ME1: variants seen among roughly 807,000 people sequenced by gnomAD.
ME1 encodes the protein malic enzyme 1.
A neutral mutation model predicts 66.4 loss-of-function variants in ME1; 74 were observed. The observed-to-expected ratio is 1.11, with a 90% CI of 0.92 to 1.35. The LOEUF (loss-of-function observed/expected upper bound fraction) is 1.35. Among genes scored for constraint, ME1 ranks in the 40% most tolerant of loss-of-function variants. The pLI is 0.00. For synonymous variants in ME1, 251 were observed against 235.6 expected (o/e 1.07, Z -0.60); for missense variants, 750 against 694.1 (o/e 1.08, Z -0.90).
intron 3 of ME1, among the ~76,000 whole-genome samples, chr6:83,355,659 C>A (rs1040543253): frequency 1.3e-5 from 2 of 152,074 alleles, no homozygotes; most frequent in African/African-American, 4.8e-5. Flanking sequence ...TGCAATACTT[C>A]CTGAAATGTT....
intron 1 of ME1, among the ~76,000 whole-genome samples, chr6:83,427,598 G>A: frequency 6.6e-6 from 1 of 152,034 alleles, no homozygotes; most frequent in East Asian, 1.9e-4. Context: ...TCTGTTTAAA[G>A]ACAAAAATAA....
At chr6:83,286,832 A>G (rs1208220861) in intron 6 of ME1, among the ~76,000 whole-genome samples, 1 of 152,164 alleles carries the variant, frequency 6.6e-6, no homozygotes, top group Non-Finnish European at 1.5e-5. Context: ...GTACTCTATG[A>G]CTATAAATAG....
chr6:83,254,794 C>A (rs898624059), intron 6 of ME1, among the ~76,000 whole-genome samples: 1 of 152,140 alleles, frequency 6.6e-6, no homozygotes, highest in Non-Finnish European at 1.5e-5. Flanking sequence ...CCTTTCCTGT[C>A]CCCAAGCATT....
rs1769419297 is a variant in ME1, at chr6:83,382,246, C to A, written c.362+16121G>T. Among the ~76,000 whole-genome samples the A allele has an allele frequency of 2.6e-5, 4 of 152,006 alleles. 1 individual carries two copies. The highest frequency in any genetic ancestry group is 4.1e-4 in the South Asian group (2 of 4,824). ...ATATTACCTGTAAATTCCACAAATG[C>A]AGAAATTAAGTCTTTATTTACCTAT... On this transcript the variant is annotated intron_variant, in intron 3 of 13. Coordinates refer to ENST00000369705, the MANE Select transcript of ME1 (RefSeq NM_002395.6).
Position 83,211,481 on chromosome 6 carries a change from A to G in ME1, c.*443T>C. On this transcript the variant is annotated 3_prime_UTR_variant, in exon 14 of 14. Coordinates refer to ENST00000369705, the MANE Select transcript of ME1 (RefSeq NM_002395.6). ...TTTCTCTAGGCAACAAAGTAGTGTT[A>G]TTTCTGCTTAGCAAAAGTTCACCTA... 6.6e-6 allele frequency: 1 copy of G among 152,070 alleles called. No homozygotes were observed. Among genetic ancestry groups the G allele is most frequent in the East Asian group, 1.9e-4 (1 of 5,176 alleles). The allele number at this position is 152,070 out of a possible 1,614,324, so 9.4% of individuals were successfully genotyped here. A position where few individuals can be genotyped will look rare whatever the true frequency, so the allele number is the denominator to read the frequency against.
intron 9 of ME1, among the ~76,000 whole-genome samples, chr6:83,235,299 G>T (rs1181250469): frequency 6.6e-6 from 1 of 151,866 alleles, no homozygotes; most frequent in Non-Finnish European, 1.5e-5. Flanking sequence ...TTTCTCACTA[G>T]GCTATCAGCT....
At chr6:83,408,551 C>A (rs1239162957) in intron 1 of ME1, among the ~76,000 whole-genome samples, 1 of 152,184 alleles carries the variant, frequency 6.6e-6, no homozygotes. Context: ...TCCATTACAA[C>A]CCTATTATTA....
At chr6:83,416,122 A>G (rs1770155086) in intron 1 of ME1, among the ~76,000 whole-genome samples, 1 of 152,136 alleles carries the variant, frequency 6.6e-6, no homozygotes, top group South Asian at 2.1e-4. Flanking sequence ...TTAAATGGAG[A>G]TTTGCCTCAA....
rs1769563481 is a variant in ME1 at position 83,388,821 on chromosome 6, C to T, written c.362+9546G>A. Among the ~76,000 whole-genome samples, 8 of 151,880 alleles carry T rather than the reference C, an allele frequency of 5.3e-5. No individual in the cohort carries two copies. In the South Asian group the frequency reaches 1.7e-3, roughly 32 times the overall value. On this transcript the variant is annotated intron_variant, in intron 3 of 13. Transcript: ENST00000369705. ...TTTGCCAAAATCAAATCAGTGGTGC[C>T]CTGTATAAGGATGAGTGAATGAGGC...
At chr6:83,299,809 A>G (rs145732517) in intron 6 of ME1, among the ~76,000 whole-genome samples, 2 of 152,166 alleles carry the variant, frequency 1.3e-5, no homozygotes, top group Non-Finnish European at 2.9e-5. Context: ...TTTTAACATG[A>G]AGGGATATCA....
At chr6:83,302,195 G>A (rs1427014824) in intron 6 of ME1, among the ~76,000 whole-genome samples, 2 of 152,078 alleles carry the variant, frequency 1.3e-5, no homozygotes, top group East Asian at 1.9e-4. Context: ...GCAAACTAAT[G>A]CAAGAACAGA....
chr6:83,224,937 C>T (rs190238498), intron 11 of ME1, among the ~76,000 whole-genome samples: 87 of 151,858 alleles, frequency 5.7e-4, no homozygotes, highest in East Asian at 4.7e-3. Context: ...CGCGGTGGCT[C>T]ACGCCTGTAA....
At chr6:83,299,604 C>A (rs955696573) in intron 6 of ME1, among the ~76,000 whole-genome samples, 1 of 152,032 alleles carries the variant, frequency 6.6e-6, no homozygotes, top group Non-Finnish European at 1.5e-5. Context: ...TTTTCTCTTG[C>A]CTGATTGCCC....
intron 3 of ME1, among the ~76,000 whole-genome samples, chr6:83,361,250 T>C (rs1457293358): frequency 6.6e-6 from 1 of 152,188 alleles, no homozygotes; most frequent in Non-Finnish European, 1.5e-5. Context: ...TTTCTAGTGG[T>C]CCAGTGGTGT....
In ME1 at chr6:83,430,993, G is replaced by T. The variant is rs199668476; in HGVS notation, c.-39C>A. ...TTCGGCGGCGGGGTCAGGCCGGGGC[G>T]GGCCGCACGCGCGGTGCAGGCGGCG... On this transcript the variant is annotated 5_prime_UTR_variant, in exon 1 of 14. Transcript: ENST00000369705. 5 of 1,343,300 alleles carry T rather than the reference G, an allele frequency of 3.7e-6. No individual in the cohort carries two copies. The highest frequency in any genetic ancestry group is 4.9e-6 in the Non-Finnish European group (5 of 1,015,176). The allele number at this position is 1,343,300 out of a possible 1,614,324, so 83.2% of individuals were successfully genotyped here. A position where few individuals can be genotyped will look rare whatever the true frequency, so the allele number is the denominator to read the frequency against.
At chr6:83,313,728 AT>A (rs1767972249) in intron 6 of ME1, among the ~76,000 whole-genome samples, 1 of 151,852 alleles carries the variant, frequency 6.6e-6, no homozygotes, top group Non-Finnish European at 1.5e-5. Context: ...CACTTTAAGT[AT>A]AAAAAACTAT....
chr6:83,351,250 A>G (rs1768797734), intron 4 of ME1, among the ~76,000 whole-genome samples: 1 of 152,128 alleles, frequency 6.6e-6, no homozygotes, highest in South Asian at 2.1e-4. Context: ...AAATAATTTT[A>G]AAAAGATCAT....
At chr6:83,287,294 T>A (rs1376272584) in intron 6 of ME1, among the ~76,000 whole-genome samples, 8 of 152,074 alleles carry the variant, frequency 5.3e-5, no homozygotes, top group Non-Finnish European at 1.2e-4. Context: ...CCTAATGTTA[T>A]CCCTCCCCTA....
chr6:83,396,710 C>T (rs1263807606), intron 3 of ME1, among the ~76,000 whole-genome samples: 1 of 152,108 alleles, frequency 6.6e-6, no homozygotes, highest in South Asian at 2.1e-4. Flanking sequence ...ATCATACTAC[C>T]TGATTTCAAA....
Sources: gnomAD v4.1 joint callset for allele counts (sites outside exome capture counted in the v4.1 genomes callset) on GRCh38, gnomAD v4.1.1 for gene constraint, MANE v1.5 for transcripts, NCBI Gene and HGNC (gene_info 2026-07-23, HGNC 2026-07-21) for gene names.